The following ZNF804A variants were observed in gnomAD, a reference collection of about 807,000 sequenced individuals.
ZNF804A encodes zinc finger protein 804A.
In ZNF804A, 2 loss-of-function variants were observed where a neutral mutation model predicts 16.5. The ratio of observed to expected loss-of-function variants is 0.12; its 90% confidence interval spans 0.05 to 0.38. The LOEUF is 0.38. Ranked by LOEUF, ZNF804A falls within the 10% of genes least tolerant of loss-of-function variation. The probability of loss-of-function intolerance (pLI) is 0.99; values close to 1 mark genes in which losing one functional copy is unlikely to be tolerated. For synonymous variants in ZNF804A, 534 were observed against 489.6 expected (o/e 1.09, Z -1.20); for missense variants, 1,473 against 1,390.7 (o/e 1.06, Z -0.94).
chr2:184,768,319 T>C (rs10177035), intron 1 of ZNF804A, among the ~76,000 whole-genome samples: 50,658 of 151,874 alleles, frequency 0.33, 11,820 homozygotes, highest in African/African-American at 0.67. Flanking sequence ...TCCTGGAACC[T>C]TTCCTCTGAA....
intron 1 of ZNF804A, among the ~76,000 whole-genome samples, chr2:184,851,796 C>T (rs1186916808): frequency 1.3e-5 from 2 of 151,772 alleles, no homozygotes; most frequent in Non-Finnish European, 2.9e-5. Flanking sequence ...AATTTACATA[C>T]CCACCAACAG....
chr2:184,912,343 A>G (rs1685373412), intron 2 of ZNF804A, among the ~76,000 whole-genome samples: 1 of 151,916 alleles, frequency 6.6e-6, no homozygotes, highest in South Asian at 2.1e-4. Flanking sequence ...AGTTTTGTCC[A>G]TTTATTATTG....
intron 1 of ZNF804A, among the ~76,000 whole-genome samples, chr2:184,813,800 T>C (rs1694934885): frequency 6.6e-6 from 1 of 151,904 alleles, no homozygotes; most frequent in Non-Finnish European, 1.5e-5. Flanking sequence ...CAAAATATAT[T>C]ATGGTTCACC....
chr2:184,914,627 AAAG>A (rs1438320160), intron 2 of ZNF804A, among the ~76,000 whole-genome samples: 3 of 152,180 alleles, frequency 2.0e-5, no homozygotes, highest in Non-Finnish European at 2.9e-5. Context: ...ATTCCTCCAT[AAAG>A]AAGGAGAAAA....
intron 1 of ZNF804A, among the ~76,000 whole-genome samples, chr2:184,668,025 A>G (rs1692278318): frequency 6.6e-6 from 1 of 151,692 alleles, no homozygotes; most frequent in Non-Finnish European, 1.5e-5. Flanking sequence ...TTTTTTTTTA[A>G]AAGGGCAACA....
Position 184,837,221 on chromosome 2 carries a change from G to A in ZNF804A, c.112-29148G>A, listed in dbSNP as rs907032055. Among the ~76,000 whole-genome samples the A allele has an allele frequency of 3.9e-5, 6 of 152,080 alleles. No homozygotes were observed. In the East Asian group the frequency reaches 5.8e-4, roughly 15 times the overall value. On this transcript the variant is annotated intron_variant, in intron 1 of 3. Coordinates refer to ENST00000302277, the MANE Select transcript of ZNF804A (RefSeq NM_194250.2). ...GTTTCTTGATACCAGGAAGAAACAT[G>A]CGTCCTTATTATTCCTCCTCATAAA...
At chr2:184,916,621 G>A (rs529187893) in intron 2 of ZNF804A, among the ~76,000 whole-genome samples, 5 of 152,246 alleles carry the variant, frequency 3.3e-5, no homozygotes, top group South Asian at 4.1e-4. Context: ...AGGCCAAGGC[G>A]GGTGGATCAT....
At chr2:184,905,119 A>G (rs1023925971) in intron 2 of ZNF804A, among the ~76,000 whole-genome samples, 24 of 151,722 alleles carry the variant, frequency 1.6e-4, no homozygotes, top group Non-Finnish European at 8.8e-5. Context: ...GTGTGTCATT[A>G]TGATTAAGTC....
chr2:184,899,646 T>C (rs1393384124), intron 2 of ZNF804A, among the ~76,000 whole-genome samples: 2 of 152,052 alleles, frequency 1.3e-5, no homozygotes, highest in Admixed American at 1.3e-4. Context: ...TCTAGTTCAT[T>C]CTAAAATAAA....
At chr2:184,627,684 G>C (rs1475549229) in intron 1 of ZNF804A, among the ~76,000 whole-genome samples, 1 of 152,104 alleles carries the variant, frequency 6.6e-6, no homozygotes, top group African/African-American at 2.4e-5. Flanking sequence ...AATTTATCTT[G>C]AGCATTGTGA....
chr2:184,633,434 C>G (rs1691644178), intron 1 of ZNF804A, among the ~76,000 whole-genome samples: 1 of 152,050 alleles, frequency 6.6e-6, no homozygotes, highest in Admixed American at 6.6e-5. Context: ...CACATTAAAC[C>G]ACAACACTAC....
At chr2:184,873,121 T>G (rs1465019912) in intron 2 of ZNF804A, among the ~76,000 whole-genome samples, 2 of 152,196 alleles carry the variant, frequency 1.3e-5, no homozygotes, top group African/African-American at 4.8e-5. Flanking sequence ...TTAAAGAGGT[T>G]AAAATGGAAG....
chr2:184,661,665 A>G (rs1245911045), intron 1 of ZNF804A, among the ~76,000 whole-genome samples: 22 of 152,144 alleles, frequency 1.4e-4, no homozygotes, highest in Admixed American at 1.4e-3. Context: ...TAAGATGGGG[A>G]TGGAAGTTCT....
chr2:184,598,981 A>C lies in ZNF804A; in HGVS notation c.22A>C (p.Ile8Leu), dbSNP rs1313826201. The C allele has an allele frequency of 3.7e-6, 6 of 1,613,746 alleles. No homozygotes were observed. Among genetic ancestry groups the C allele is most frequent in the African/African-American group, 1.3e-5 (1 of 75,038 alleles). The change falls in exon 1 of 4, where the codon ATC becomes CTC. Residue 8 changes from isoleucine to leucine, a missense_variant. Ile to Leu is a conservative substitution (Grantham distance 5, BLOSUM62 2). Coordinates refer to ENST00000302277, the MANE Select transcript of ZNF804A (RefSeq NM_194250.2). MECYYIV[I>L]SSTHLSNGHF... ...CCCCATGGAGTGTTACTACATTGTCATCAGCTCCACGCATCTCAGCAACGG... is the reference window on the plus strand; with the variant it reads ...CCCCATGGAGTGTTACTACATTGTCCTCAGCTCCACGCATCTCAGCAACGG...
intron 1 of ZNF804A, among the ~76,000 whole-genome samples, chr2:184,761,429 T>A (rs1694034983): frequency 6.6e-6 from 1 of 152,146 alleles, no homozygotes. Context: ...CTCTAAGAAC[T>A]CTTTTGAGGC....
At chr2:184,929,558 G>T (rs13391680) in intron 2 of ZNF804A, among the ~76,000 whole-genome samples, 3 of 151,946 alleles carry the variant, frequency 2.0e-5, no homozygotes, top group South Asian at 4.2e-4. Flanking sequence ...ATTAAAAACA[G>T]TAAAGTCTAT....
At chr2:184,800,555 T>C (rs1456779289) in intron 1 of ZNF804A, among the ~76,000 whole-genome samples, 1 of 151,692 alleles carries the variant, frequency 6.6e-6, no homozygotes, top group Non-Finnish European at 1.5e-5. Flanking sequence ...CTTAAAAGTA[T>C]TTTTTGGATC....
intron 1 of ZNF804A, among the ~76,000 whole-genome samples, chr2:184,856,565 A>G (rs1302173524): frequency 6.6e-6 from 1 of 152,098 alleles, no homozygotes; most frequent in Non-Finnish European, 1.5e-5. Context: ...ATGTGTAAGT[A>G]TAAGAAAATG....
intron 1 of ZNF804A, among the ~76,000 whole-genome samples, chr2:184,846,220 G>A (rs952254963): frequency 2.0e-5 from 3 of 151,984 alleles, no homozygotes; most frequent in African/African-American, 7.2e-5. Context: ...AGCCACTTAA[G>A]GTATTTGTCT....
Sources: gnomAD v4.1 joint callset for allele counts (sites outside exome capture counted in the v4.1 genomes callset) on GRCh38, gnomAD v4.1.1 for gene constraint, MANE v1.5 for transcripts, NCBI Gene and HGNC (gene_info 2026-07-23, HGNC 2026-07-21) for gene names.